GMEB1: variants seen among roughly 807,000 people sequenced by gnomAD.
GMEB1 encodes glucocorticoid modulatory element-binding protein 1.
Under a neutral mutation model 52.4 loss-of-function variants are expected in GMEB1, and 6 were observed. The observed-to-expected ratio is 0.11, with a 90% confidence interval of 0.06 to 0.23. The LOEUF (loss-of-function observed/expected upper bound fraction) is 0.23. Among genes scored for constraint, GMEB1 ranks in the 10% least tolerant of loss-of-function variants. GMEB1 has a pLI of 1.00. For missense variants in GMEB1, 486 were observed against 685.6 expected, an observed-to-expected ratio of 0.71 and a Z score of 3.25; for synonymous variants, 255 against 244.9, an observed-to-expected ratio of 1.04 and a Z score of -0.38.
At chr1:28,699,487 T>C (rs780277277) in intron 6 of GMEB1, among the ~76,000 whole-genome samples, 6 of 151,944 alleles carry the variant, frequency 3.9e-5, no homozygotes, top group Non-Finnish European at 5.9e-5. Flanking sequence ...TGGAGTGCAA[T>C]GGTGCAATCT....
Position 28,714,629 on chromosome 1 carries a change from A to G in GMEB1, c.1548A>G (p.Pro516=). 6.2e-7 allele frequency: 1 copy of G among 1,614,184 alleles called. No individual in the cohort carries two copies. The highest frequency in any genetic ancestry group is 2.2e-5 in the East Asian group (1 of 44,884). ...GGCAGACCATCATTGAGATTGATCC[A>G]GCCCCGGACCCAGAAGCTGAAGATA... ...EDGQTIIEID[P]APDPEAEDTE... is the part of the protein sequence containing the mutation. Residue 516 remains proline (P), a synonymous_variant, in exon 10 of 10, where the codon CCA becomes CCG. Coordinates refer to ENST00000373816, the MANE Select transcript of GMEB1 (RefSeq NM_001319674.2).
intron 5 of GMEB1, among the ~76,000 whole-genome samples, chr1:28,693,718 T>C (rs1200391818): frequency 6.6e-6 from 1 of 152,162 alleles, no homozygotes; most frequent in African/African-American, 2.4e-5. Flanking sequence ...CCCAAAGTGC[T>C]AGGATTACAG....
intron 3 of GMEB1, among the ~76,000 whole-genome samples, chr1:28,690,554 A>C (rs890763932): frequency 6.6e-6 from 1 of 152,192 alleles, no homozygotes; most frequent in Non-Finnish European, 1.5e-5. Context: ...AACTGGAAAG[A>C]AACCGAAATT....
chr1:28,705,409 CAGAA>C (rs1299969097), intron 8 of GMEB1, among the ~76,000 whole-genome samples: 5 of 149,706 alleles, frequency 3.3e-5, no homozygotes, highest in Admixed American at 2.0e-4. Flanking sequence ...AAAAAACTGA[CAGAA>C]AGCATCCTCT....
chr1:28,684,576 A>AG (rs1319161870), intron 2 of GMEB1, among the ~76,000 whole-genome samples: 1 of 151,620 alleles, frequency 6.6e-6, no homozygotes, highest in Admixed American at 6.6e-5. Flanking sequence ...AAAAAAAAAA[A>AG]AAAAATTCCA....
At chr1:28,694,190 ATTT>A (rs569803893) in intron 5 of GMEB1, among the ~76,000 whole-genome samples, 1 of 136,784 alleles carries the variant, frequency 7.3e-6, no homozygotes. Context: ...GTGTTGTAGG[ATTT>A]TTTTTTTTTT....
chr1:28,683,774 T>C (rs772874532), intron 2 of GMEB1, 34 bp downstream of exon 2: 1 of 1,607,262 alleles, frequency 6.2e-7, no homozygotes, highest in Non-Finnish European at 8.5e-7. Context: ...TTCTGAAGTA[T>C]TTTGGGAAGC....
At chr1:28,679,141 C>T (rs2124467303) in intron 1 of GMEB1, among the ~76,000 whole-genome samples, 1 of 151,846 alleles carries the variant, frequency 6.6e-6, no homozygotes, top group Admixed American at 6.6e-5. Flanking sequence ...GTCTCGACCT[C>T]CCAAAATGCT....
At chr1:28,704,645 G>T (rs991853884) in intron 8 of GMEB1, among the ~76,000 whole-genome samples, 1 of 150,408 alleles carries the variant, frequency 6.6e-6, no homozygotes, top group Non-Finnish European at 1.5e-5. Flanking sequence ...TCGCTCTATC[G>T]CCTAGACTGG....
intron 7 of GMEB1, among the ~76,000 whole-genome samples, chr1:28,703,220 C>T (rs1052538434): frequency 2.6e-5 from 4 of 152,082 alleles, no homozygotes; most frequent in Non-Finnish European, 4.4e-5. Context: ...AAATAGGTGG[C>T]AAGTGTTGTA....
At chr1:28,676,456 G>A (rs1669153505) in intron 1 of GMEB1, among the ~76,000 whole-genome samples, 2 of 152,156 alleles carry the variant, frequency 1.3e-5, no homozygotes, top group African/African-American at 4.8e-5. Flanking sequence ...GGCCAGGCGT[G>A]GTGGCTCACG....
At chr1:28,700,058 CAAAAAAAA>C (rs34231884) in intron 6 of GMEB1, among the ~76,000 whole-genome samples, 1 of 61,140 alleles carries the variant, frequency 1.6e-5, no homozygotes, top group Non-Finnish European at 3.1e-5. Context: ...GACCCTGTCT[CAAAAAAAA>C]AAAAAAAAAA....
chr1:28,677,529 A>G (rs797011988), intron 1 of GMEB1, among the ~76,000 whole-genome samples: 8 of 152,306 alleles, frequency 5.3e-5, no homozygotes, highest in African/African-American at 1.9e-4. Context: ...TTTAAAGCAC[A>G]TTTTTGGAAT....
intron 9 of GMEB1, 119 bp from the exon 10 acceptor site, chr1:28,713,954 A>C: frequency 4.1e-6 from 3 of 726,806 alleles, no homozygotes; most frequent in Non-Finnish European, 7.1e-6. Flanking sequence ...CAATGTCACA[A>C]CTTGCCTGAA....
intron 1 of GMEB1, among the ~76,000 whole-genome samples, chr1:28,678,599 G>A (rs1669258926): frequency 1.3e-5 from 2 of 151,506 alleles, no homozygotes; most frequent in African/African-American, 2.4e-5. Context: ...GCGAGCCACC[G>A]CGTCCGTCTC....
intron 1 of GMEB1, among the ~76,000 whole-genome samples, chr1:28,678,299 T>G (rs993510417): frequency 6.6e-6 from 1 of 151,342 alleles, no homozygotes; most frequent in Non-Finnish European, 1.5e-5. Context: ...TTTCTAGTGT[T>G]TTTGTTTGTT....
chr1:28,676,190 G>A (rs1055076490), intron 1 of GMEB1, among the ~76,000 whole-genome samples: 1 of 152,048 alleles, frequency 6.6e-6, no homozygotes, highest in Non-Finnish European at 1.5e-5. Context: ...GTTGTAGAGG[G>A]GACTTAGCTT....
intron 1 of GMEB1, among the ~76,000 whole-genome samples, chr1:28,670,580 A>G (rs1449069379): frequency 2.0e-5 from 3 of 152,024 alleles, no homozygotes; most frequent in African/African-American, 2.4e-5. Flanking sequence ...CCACATCCTC[A>G]GCCTCCCAGA....
chr1:28,673,684 G>A (rs1029322921), intron 1 of GMEB1, among the ~76,000 whole-genome samples: 9 of 152,146 alleles, frequency 5.9e-5, no homozygotes, highest in African/African-American at 1.7e-4. Context: ...TATAAGCAGC[G>A]ATGTGCTTAG....
Sources: allele counts gnomAD v4.1 joint callset (sites outside exome capture counted in the v4.1 genomes callset), GRCh38; gene constraint gnomAD v4.1.1; transcripts MANE v1.5; gene names NCBI Gene and HGNC (gene_info 2026-07-23, HGNC 2026-07-21).